MBTPS2: variants seen among roughly 807,000 people sequenced by gnomAD.
MBTPS2 encodes membrane bound transcription factor peptidase, site 2, also known as membrane-bound transcription factor site-2 protease.
In MBTPS2, 2 loss-of-function variants were observed where a neutral mutation model predicts 35.4. The observed-to-expected ratio is 0.06, with a 90% CI of 0.02 to 0.18. The LOEUF (loss-of-function observed/expected upper bound fraction) is 0.18, where lower values mean the gene tolerates loss of function less well. MBTPS2 is among the 10% of genes least tolerant of loss of function. MBTPS2 has a pLI of 1.00. For synonymous variants in MBTPS2, 125 were observed against 140.4 expected, an observed-to-expected ratio of 0.89 and a Z score of 0.77; for missense variants, 244 against 386.5, an observed-to-expected ratio of 0.63 and a Z score of 3.09.
intron 5 of MBTPS2, among the ~76,000 whole-genome samples, chrX:21,862,933 C>CATATATATATAAACATATAT (rs2092934141): frequency 1.8e-4 from 5 of 27,681 alleles, no homozygotes; most frequent in African/African-American, 3.9e-4. Context: ...TATATATAAA[C>CATATATATATAAACATATAT]ATATATATAT....
intron 3 of MBTPS2, among the ~76,000 whole-genome samples, chrX:21,845,803 A>T (rs2092908092): frequency 8.9e-6 from 1 of 112,332 alleles, no homozygotes; most frequent in Non-Finnish European, 1.9e-5. Flanking sequence ...ATATCCTTTT[A>T]ATTAAAGATA....
At chrX:21,856,137 A>C (rs1004045434) in intron 5 of MBTPS2, 2 of 225,963 alleles carry the variant, frequency 8.9e-6, no homozygotes, top group African/African-American at 5.7e-5. Context: ...GAAAAACAAC[A>C]GCTGGGCGGG....
chrX:21,856,866 G>GCATCAACATCAA, intron 5 of MBTPS2: 1 of 1,211,513 alleles, frequency 8.3e-7, no homozygotes, highest in Middle Eastern at 2.3e-4. Flanking sequence ...GGCCTCGGCG[G>GCATCAACATCAA]CATCAACATC....
chrX:21,873,995 G>A (rs865919614), intron 7 of MBTPS2, among the ~76,000 whole-genome samples: 37 of 66,669 alleles, frequency 5.5e-4, no homozygotes, highest in African/African-American at 1.4e-3. Context: ...GTGTGTGTGT[G>A]TGTGTGTATA....
chrX:21,878,722 A>C, intron 9 of MBTPS2, 30 bp downstream of exon 9: 1 of 991,339 alleles, frequency 1.0e-6, no homozygotes, highest in Non-Finnish European at 1.4e-6. Context: ...ACCCTTAGAA[A>C]ATCATTAAGA....
intron 5 of MBTPS2, among the ~76,000 whole-genome samples, chrX:21,862,931 A>AAAAT (rs1569325764): frequency 1.5e-4 from 2 of 13,785 alleles, no homozygotes; most frequent in Non-Finnish European, 1.8e-4. Context: ...TATATATATA[A>AAAAT]ACATATATAT....
intron 3 of MBTPS2, among the ~76,000 whole-genome samples, chrX:21,850,997 G>A (rs1342151781): frequency 9.0e-6 from 1 of 111,600 alleles, no homozygotes; most frequent in Non-Finnish European, 1.9e-5. Context: ...TATAACTTGA[G>A]GATATTAAAA....
chrX:21,856,887 C>T, intron 5 of MBTPS2: 1 of 1,211,652 alleles, frequency 8.3e-7, no homozygotes, highest in Non-Finnish European at 1.1e-6. Context: ...AACATCAACC[C>T]AGAGCCGCAG....
intron 3 of MBTPS2, among the ~76,000 whole-genome samples, chrX:21,850,102 G>A (rs2092913308): frequency 9.2e-6 from 1 of 108,505 alleles, no homozygotes; most frequent in African/African-American, 3.4e-5. Flanking sequence ...CCCTTAGCAA[G>A]TATGCTCATC....
intron 1 of MBTPS2, among the ~76,000 whole-genome samples, chrX:21,842,499 C>T (rs1228012483): frequency 4.6e-5 from 5 of 109,156 alleles, no homozygotes; most frequent in Non-Finnish European, 7.6e-5. Context: ...CAGCTATTAG[C>T]CACATGTGGT....
intron 5 of MBTPS2, among the ~76,000 whole-genome samples, chrX:21,865,012 C>T (rs1421230196): frequency 1.9e-5 from 2 of 105,423 alleles, no homozygotes; most frequent in South Asian, 4.4e-4. Context: ...TCTCCCAAGT[C>T]GCTGGCACCA....
intron 5 of MBTPS2, chrX:21,857,211 C>G (rs761500153): frequency 9.1e-6 from 11 of 1,211,758 alleles, no homozygotes; most frequent in Non-Finnish European, 1.1e-5. Context: ...TAAAGTGAAG[C>G]CCAAAAGGTC....
intron 5 of MBTPS2, among the ~76,000 whole-genome samples, chrX:21,864,386 A>G (rs1356862768): frequency 9.0e-6 from 1 of 111,669 alleles, no homozygotes; most frequent in African/African-American, 3.3e-5. Context: ...GGCACCTGCC[A>G]CCACACCCAG....
intron 3 of MBTPS2, among the ~76,000 whole-genome samples, chrX:21,848,100 A>G (rs1176240562): frequency 8.9e-6 from 1 of 112,859 alleles, no homozygotes; most frequent in African/African-American, 3.2e-5. Context: ...ATTCAATTAG[A>G]TATTATGCAC....
rs1215661627 is a variant in MBTPS2, at chrX:21,857,037, G to A, written c.670+3534G>A. The A allele has an allele frequency of 2.5e-6, 3 of 1,210,072 alleles. No individual in the cohort carries two copies. Among genetic ancestry groups the A allele is most frequent in the South Asian group, 1.8e-5 (1 of 56,826 alleles). On this transcript the variant is annotated intron_variant, in intron 5 of 10. Coordinates refer to ENST00000379484, the MANE Select transcript of MBTPS2 (RefSeq NM_015884.4). The stretch of plus-strand genomic sequence containing the variant: ...CAAAACGCTGGAGGGTGAGTTTTCC[G>A]TGACTATGTGGTCCCCTAACGATAA...
intron 3 of MBTPS2, among the ~76,000 whole-genome samples, chrX:21,847,244 T>C (rs1318426426): frequency 8.9e-6 from 1 of 112,036 alleles, no homozygotes; most frequent in Non-Finnish European, 1.9e-5. Context: ...TTCATAGTAC[T>C]CACAAAAATG....
chrX:21,885,350 T>C lies in MBTPS2; in HGVS notation c.*2695T>C. The C allele has an allele frequency of 1.3e-6, 1 of 749,367 alleles. No individual in the cohort carries two copies. The highest frequency in any genetic ancestry group is 1.6e-6 in the Non-Finnish European group (1 of 634,653). 61.8% of individuals were successfully genotyped at this position (749,367 alleles called of 1,213,427 possible). ...CTGTAATTCATTCTTAAGCTTTAAC[T>C]TGAAGGTATCGTAATTGCCGGCATT... On this transcript the variant is annotated 3_prime_UTR_variant, in exon 11 of 11. Transcript: ENST00000379484.
At chrX:21,863,234 C>T (rs1410684334) in intron 5 of MBTPS2, among the ~76,000 whole-genome samples, 3 of 92,938 alleles carry the variant, frequency 3.2e-5, no homozygotes, top group African/African-American at 1.2e-4. Context: ...CGCCGTTGCA[C>T]TCCAGCCTGG....
At chrX:21,868,234 A>T (rs955225963) in intron 5 of MBTPS2, among the ~76,000 whole-genome samples, 8 of 111,798 alleles carry the variant, frequency 7.2e-5, no homozygotes, top group Non-Finnish European at 9.4e-5. Context: ...TCATGTTAGC[A>T]TGTGGTCTTC....
Sources: allele counts gnomAD v4.1 joint callset (sites outside exome capture counted in the v4.1 genomes callset), GRCh38; gene constraint gnomAD v4.1.1; transcripts MANE v1.5; gene names NCBI Gene and HGNC (gene_info 2026-07-23, HGNC 2026-07-21).